Variants in ACAP2 observed in about 807,000 individuals in gnomAD.
The protein encoded by ACAP2 is ArfGAP with coiled-coil, ankyrin repeat and PH domains 2.
ACAP2 carries 39 observed loss-of-function variants against 115.8 expected under a neutral mutation model. The observed-to-expected ratio is 0.34, with a 90% CI of 0.26 to 0.44. The LOEUF is 0.44. Ranked by LOEUF, ACAP2 falls within the 20% of genes least tolerant of loss-of-function variation. The pLI, the probability that ACAP2 is intolerant of heterozygous loss-of-function variation, is 1.00. For synonymous variants in ACAP2, 289 were observed against 315.8 expected (o/e 0.92, Z 0.90); for missense variants, 662 against 927.6 (o/e 0.71, Z 3.72).
intron 5 of ACAP2, 104 bp downstream of exon 5, chr3:195,345,155 T>C: frequency 7.5e-6 from 6 of 798,556 alleles, no homozygotes; most frequent in Non-Finnish European, 1.3e-5. Flanking sequence ...AAAATGTCAA[T>C]ATTTTCAATA....
intron 4 of ACAP2, among the ~76,000 whole-genome samples, chr3:195,356,363 A>G (rs1577349957): frequency 6.6e-6 from 1 of 152,336 alleles, no homozygotes; most frequent in East Asian, 1.9e-4. Flanking sequence ...ACCACAGGCT[A>G]AAGTGCTCTG....
At chr3:195,420,099 A>G (rs977934360) in intron 1 of ACAP2, among the ~76,000 whole-genome samples, 5 of 151,958 alleles carry the variant, frequency 3.3e-5, no homozygotes, top group African/African-American at 9.7e-5. Flanking sequence ...AACAGATATG[A>G]TTCCTTACTC....
chr3:195,383,100 C>T (rs1328487476), intron 2 of ACAP2, among the ~76,000 whole-genome samples: 1 of 152,014 alleles, frequency 6.6e-6, no homozygotes, highest in Non-Finnish European at 1.5e-5. Context: ...TTCCACAAAA[C>T]CCACTGTGAG....
rs765796798 is a variant in ACAP2, at chr3:195,392,055, A to T, written c.111+35T>A. The T allele has an allele frequency of 1.9e-5, 29 of 1,554,974 alleles. No individual in the cohort carries two copies. In the East Asian group the frequency reaches 6.5e-4, roughly 35 times the overall value. On this transcript the variant is annotated intron_variant, in intron 2 of 22. Coordinates refer to ENST00000326793, the MANE Select transcript of ACAP2 (RefSeq NM_012287.6). ...TAATCATTATTTACAGCAAACGAGA[A>T]TCAATGTTTCAAAAAGCTAACTTGT...
At chr3:195,354,020 G>C (rs946401710) in intron 4 of ACAP2, among the ~76,000 whole-genome samples, 2 of 152,104 alleles carry the variant, frequency 1.3e-5, no homozygotes, top group African/African-American at 4.8e-5. Flanking sequence ...GCCACAGTAT[G>C]TGTGGTTCCC....
rs571392066 is a variant in ACAP2 at position 195,292,336 on chromosome 3, G to A, written c.1882C>T (p.His628Tyr). ...NLPKMAEALA[H>Y]GADVNWANSE... is the part of the protein sequence containing the mutation. Reference sequence around the variant, plus strand: ...TTGGCCCAGTTCACGTCTGCACCATGAGCCAAAGCCTCAGCCATTTTAGGA... The same window carrying A: ...TTGGCCCAGTTCACGTCTGCACCATAAGCCAAAGCCTCAGCCATTTTAGGA... Residue 628 changes from histidine to tyrosine, a missense_variant, in exon 19 of 23, where the codon CAT becomes TAT. Transcript: ENST00000326793. 1.2e-6 allele frequency: 2 copies of A among 1,613,882 alleles called. No individual in the cohort carries two copies. Among genetic ancestry groups the A allele is most frequent in the South Asian group, 2.2e-5 (2 of 91,052 alleles).
intron 5 of ACAP2, among the ~76,000 whole-genome samples, chr3:195,343,340 C>A (rs1380804858): frequency 6.6e-6 from 1 of 152,174 alleles, no homozygotes; most frequent in Non-Finnish European, 1.5e-5. Flanking sequence ...ATTCCAGAGC[C>A]CTTTCCGAGA....
intron 4 of ACAP2, among the ~76,000 whole-genome samples, chr3:195,370,290 G>A (rs1733037247): frequency 6.6e-6 from 1 of 152,080 alleles, no homozygotes; most frequent in Admixed American, 6.6e-5. Flanking sequence ...AATTGCTTTT[G>A]GCATCTTTGT....
In ACAP2 at chr3:195,291,761, T is replaced by C; in HGVS notation, c.2008A>G (p.Arg670Gly). Reference sequence around the variant, plus strand: ...AATGGTCCCCGCCCTTGGACATCTCTTTGGTTGACATTAGCACCATTCTGT... The same window carrying C: ...AATGGTCCCCGCCCTTGGACATCTCCTTGGTTGACATTAGCACCATTCTGT... ...LLQNGANVNQ[R>G]DVQGRGPLHH... Residue 670 changes from arginine (R) to glycine (G), a missense_variant, in exon 20 of 23, where the codon AGA (arginine) becomes GGA (glycine). By Grantham distance (125) the Arg-to-Gly change is moderately radical. Coordinates refer to ENST00000326793, the MANE Select transcript of ACAP2 (RefSeq NM_012287.6). 6.2e-7 allele frequency: 1 copy of C among 1,614,144 alleles called. No homozygotes were observed. Among genetic ancestry groups the C allele is most frequent in the Non-Finnish European group, 8.5e-7 (1 of 1,180,018 alleles).
At chr3:195,364,762 A>G (rs1295836575) in intron 4 of ACAP2, among the ~76,000 whole-genome samples, 2 of 152,180 alleles carry the variant, frequency 1.3e-5, no homozygotes, top group Non-Finnish European at 2.9e-5. Flanking sequence ...ACCATCCAGC[A>G]ATCCTACTCT....
At chr3:195,347,177 T>G (rs978270116) in intron 4 of ACAP2, among the ~76,000 whole-genome samples, 3 of 152,216 alleles carry the variant, frequency 2.0e-5, no homozygotes, top group Non-Finnish European at 4.4e-5. Context: ...ACAATAGATT[T>G]TTAAATGAAT....
chr3:195,333,143 G>T lies in ACAP2; in HGVS notation c.574-20C>A. On this transcript the variant is annotated intron_variant, in intron 7 of 22. Coordinates refer to ENST00000326793, the MANE Select transcript of ACAP2 (RefSeq NM_012287.6). ...CAACATCTAATAGGGAAAAAAAGAT[G>T]ACCATTTTAAAATCTATTCCTAGAT... is the stretch of plus-strand genomic sequence containing the variant. The T allele has an allele frequency of 2.1e-6, 3 of 1,397,192 alleles. No homozygotes were observed. The South Asian group carries it at 3.8e-5, about 18-fold the overall frequency. 86.5% of individuals were successfully genotyped at this position (1,397,192 alleles called of 1,614,324 possible). A position where few individuals can be genotyped will look rare whatever the true frequency, so the allele number is the denominator to read the frequency against.
At chr3:195,417,116 G>GT (rs1388595572) in intron 1 of ACAP2, among the ~76,000 whole-genome samples, 1 of 127,684 alleles carries the variant, frequency 7.8e-6, no homozygotes, top group African/African-American at 3.1e-5. Context: ...ACTTTTTGCA[G>GT]TGAGTGGGTC....
intron 4 of ACAP2, among the ~76,000 whole-genome samples, chr3:195,349,367 G>A (rs1297140387): frequency 2.6e-5 from 4 of 152,062 alleles, no homozygotes; most frequent in Middle Eastern, 3.2e-3. Flanking sequence ...TGTAATCCCA[G>A]CTACTTGGGA....
rs143949889 is a variant in ACAP2 at position 195,359,888 on chromosome 3, T to C, written c.286-14571A>G. On this transcript the variant is annotated intron_variant, in intron 4 of 22. Coordinates refer to ENST00000326793, the MANE Select transcript of ACAP2 (RefSeq NM_012287.6). The stretch of plus-strand genomic sequence containing the variant: ...TAACCTCCAATCTACAAACATATAA[T>C]AAATAAGCAAAAAATAAAAAGCAAG... Among the ~76,000 whole-genome samples the C allele has an allele frequency of 1.0e-3, 155 of 152,036 alleles. 1 individual carries two copies. Among genetic ancestry groups the C allele is most frequent in the African/African-American group, 3.7e-3 (152 of 41,476 alleles).
intron 13 of ACAP2, among the ~76,000 whole-genome samples, chr3:195,306,142 G>C (rs1187731387): frequency 6.6e-6 from 1 of 152,124 alleles, no homozygotes; most frequent in Non-Finnish European, 1.5e-5. Context: ...TCACCTAAGA[G>C]ACAATATTAT....
At chr3:195,289,286 AT>A in intron 20 of ACAP2, 55 bp from the exon 21 acceptor site, 1 of 1,250,618 alleles carries the variant, frequency 8.0e-7, no homozygotes. Context: ...AAAAATTAGT[AT>A]TCACCTTAAA....
rs749352761 is a variant in ACAP2, at chr3:195,377,138, C to CTTTTTTTTTTTTTTTTTTTTT, written c.285+3850_285+3870dup. 1.3e-4 allele frequency among the ~76,000 whole-genome samples: 10 copies of CTTTTTTTTTTTTTTTTTTTTT among 77,082 alleles called. 2 individuals carry two copies. The highest frequency in any genetic ancestry group is 1.2e-3 in the South Asian group (2 of 1,606). The allele number at this position is 77,082 out of a possible 152,430, so 50.6% of individuals were successfully genotyped here. On this transcript the variant is annotated intron_variant, in intron 4 of 22. Coordinates refer to ENST00000326793, the MANE Select transcript of ACAP2 (RefSeq NM_012287.6). ...CATTTTACAGAGGAGGAATGTAAAT[C>CTTTTTTTTTTTTTTTTTTTTT]TTTTTTTTTTTTTTTTTTTTTTTGG...
chr3:195,291,047 C>T (rs74288790), intron 20 of ACAP2, among the ~76,000 whole-genome samples: 3,283 of 152,042 alleles, frequency 0.022, 117 homozygotes, highest in East Asian at 0.1. Context: ...AAAAATATTT[C>T]AAAATAAGAG....
Sources: gnomAD v4.1 joint callset for allele counts (sites outside exome capture counted in the v4.1 genomes callset) on GRCh38, gnomAD v4.1.1 for gene constraint, MANE v1.5 for transcripts, NCBI Gene and HGNC (gene_info 2026-07-23, HGNC 2026-07-21) for gene names.